The following MED13 variants were observed in gnomAD, a reference collection of about 807,000 sequenced individuals.
The protein encoded by MED13 is mediator of RNA polymerase II transcription subunit 13.
In MED13, 23 loss-of-function variants were observed where a neutral mutation model predicts 225.2. That is an observed-to-expected ratio of 0.10 (90% CI 0.07 to 0.14). The LOEUF is 0.14. Among genes scored for constraint, MED13 ranks in the 10% least tolerant of loss-of-function variants. The pLI, the probability that MED13 is intolerant of heterozygous loss-of-function variation, is 1.00. For synonymous variants in MED13, 942 were observed against 889.2 expected, an observed-to-expected ratio of 1.06 and a Z score of -1.06; for missense variants, 2,197 against 2,594.5, an observed-to-expected ratio of 0.85 and a Z score of 3.33.
At chr17:61,952,626 G>A (rs1483796729) in intron 27 of MED13, among the ~76,000 whole-genome samples, 3 of 152,150 alleles carry the variant, frequency 2.0e-5, no homozygotes, top group Non-Finnish European at 4.4e-5. Flanking sequence ...CTCAACTCTT[G>A]CTAATTTCCA....
intron 8 of MED13, among the ~76,000 whole-genome samples, chr17:62,018,949 C>T (rs1567982137): frequency 6.6e-6 from 1 of 151,620 alleles, no homozygotes; most frequent in Non-Finnish European, 1.5e-5. Context: ...GTTACAAAAT[C>T]GAAAGATCCA....
At chr17:62,047,707 A>G (rs2080910671) in intron 3 of MED13, among the ~76,000 whole-genome samples, 1 of 151,976 alleles carries the variant, frequency 6.6e-6, no homozygotes, top group Non-Finnish European at 1.5e-5. Flanking sequence ...GTATTGCAGA[A>G]CTTAAAGTAA....
Position 62,029,593 on chromosome 17 carries a change from C to A in MED13, c.1231G>T (p.Ala411Ser), listed in dbSNP as rs1191870194. The A allele has an allele frequency of 1.2e-6, 2 of 1,614,120 alleles. No homozygotes were observed. The highest frequency in any genetic ancestry group is 2.2e-5 in the South Asian group (2 of 91,074). Reference sequence around the variant, plus strand: ...GTGGCTTCAACAAAATCCCAGGATGCCACTTTAGCAGCTGTCGCTTCTTCG... The same window carrying A: ...GTGGCTTCAACAAAATCCCAGGATGACACTTTAGCAGCTGTCGCTTCTTCG... ...LCEEATAAKVASWDFVEATQR... is the reference protein window; with the variant it reads ...LCEEATAAKVSSWDFVEATQR... The change falls in exon 8 of 30, where the codon GCA becomes TCA. Residue 411 changes from alanine (A) to serine (S), a missense_variant. Ala to Ser is a moderately conservative substitution (Grantham distance 99). Around this residue, in one of 12 missense-constraint regions of MED13, gnomAD observed 884 missense variants for 918.5 expected, o/e 0.96. Transcript: ENST00000397786.
chr17:62,048,250 C>CA, intron 3 of MED13, among the ~76,000 whole-genome samples: 1 of 149,618 alleles, frequency 6.7e-6, no homozygotes, highest in Non-Finnish European at 1.5e-5. Context: ...CTTAAAAATA[C>CA]AAAAATTAGC....
In MED13 at chr17:62,010,784, C is replaced by T. The variant is rs747645576; in HGVS notation, c.1733G>A (p.Arg578Lys). Reference protein sequence around the residue: ...PLVPSKPMEDRIDSLSQSFPP... With the variant: ...PLVPSKPMEDKIDSLSQSFPP... ...GAAAGACTGGGACAAACTGTCTATC[C>T]TATCTTCCATTGGTTTAGAAGGAAC... The change falls in exon 9 of 30, where the codon AGG becomes AAG. Residue 578 changes from arginine to lysine, a missense_variant. Arg to Lys is a conservative substitution (Grantham distance 26). This residue lies in a region of MED13 where 884 missense variants were observed against 918.5 expected (regional missense o/e 0.96). Transcript: ENST00000397786. 3.7e-6 allele frequency: 6 copies of T among 1,614,170 alleles called. No individual in the cohort carries two copies. In the South Asian group the frequency reaches 6.6e-5, roughly 18 times the overall value.
chr17:61,993,233 A>C (rs1603398893), intron 10 of MED13, among the ~76,000 whole-genome samples: 5 of 110,980 alleles, frequency 4.5e-5, no homozygotes, highest in East Asian at 2.6e-4. Flanking sequence ...ACAGAGTCTC[A>C]CTCTGTCACC....
At chr17:62,049,312 AATAG>A (rs1283077849) in intron 3 of MED13, among the ~76,000 whole-genome samples, 1 of 152,200 alleles carries the variant, frequency 6.6e-6, no homozygotes, top group African/African-American at 2.4e-5. Context: ...TTATACTTCT[AATAG>A]ATAGTCTACT....
At chr17:62,027,971 A>G (rs1348389516) in intron 8 of MED13, among the ~76,000 whole-genome samples, 1 of 152,224 alleles carries the variant, frequency 6.6e-6, no homozygotes, top group Non-Finnish European at 1.5e-5. Context: ...GGAAGTGAAA[A>G]TAGTTCAACC....
chr17:62,045,813 G>T (rs936890612), intron 3 of MED13, among the ~76,000 whole-genome samples: 2 of 152,042 alleles, frequency 1.3e-5, no homozygotes, highest in Admixed American at 6.6e-5. Context: ...TACACTTGCG[G>T]GATTCTTTAC....
intron 28 of MED13, among the ~76,000 whole-genome samples, chr17:61,950,526 G>C (rs1264122343): frequency 6.6e-6 from 1 of 151,976 alleles, no homozygotes; most frequent in Non-Finnish European, 1.5e-5. Flanking sequence ...TGGGACTACA[G>C]GCGCCCGCCA....
At chr17:61,983,161 C>T in intron 15 of MED13, 47 bp from the exon 16 acceptor site, 2 of 1,407,292 alleles carry the variant, frequency 1.4e-6, no homozygotes, top group Non-Finnish European at 1.9e-6. Flanking sequence ...TATAAAGGAA[C>T]ATATTAGTAA....
At chr17:62,032,656 G>A (rs2080767856) in intron 5 of MED13, among the ~76,000 whole-genome samples, 1 of 152,050 alleles carries the variant, frequency 6.6e-6, no homozygotes, top group Non-Finnish European at 1.5e-5. Flanking sequence ...TCCATTGTCA[G>A]GCTGTGTGAC....
At chr17:62,064,961 A>G (rs1380013741) in intron 1 of MED13, among the ~76,000 whole-genome samples, 179 bp downstream of exon 1, 1 of 152,152 alleles carries the variant, frequency 6.6e-6, no homozygotes, top group Admixed American at 6.5e-5. Context: ...AGAGCCCGGG[A>G]CCGTAGGAGA....
At position 62,031,598 on chromosome 17, in the gene MED13, G is replaced by T. The variant is rs1210147907; in HGVS notation, c.855C>A (p.Val285=). The change falls in exon 6 of 30, where the codon GTC becomes GTA. Residue 285 remains valine, a synonymous_variant. Coordinates refer to ENST00000397786, the MANE Select transcript of MED13 (RefSeq NM_005121.3). The part of the protein sequence containing the change: ...RMIYPACFVL[V]PQSDIPTPSP... The stretch of plus-strand genomic sequence containing the variant: ...TAGGAGTAGGAATGTCTGACTGAGG[G>T]ACTAGAACAAAGCATGCTGGGTAGA... The T allele has an allele frequency of 1.2e-6, 2 of 1,612,608 alleles. No homozygotes were observed. Among genetic ancestry groups the T allele is most frequent in the African/African-American group, 2.7e-5 (2 of 74,806 alleles).
rs75006644 is a variant in MED13 at position 62,011,877 on chromosome 17, G to A, written c.1284-644C>T. On this transcript the variant is annotated intron_variant, in intron 8 of 29. Transcript: ENST00000397786. ...TCATAATTTGAAGCAATTCTAAAAC[G>A]AAGAACTTAAATGATACACCTAAAA... 2.1e-3 allele frequency among the ~76,000 whole-genome samples: 323 copies of A among 152,156 alleles called. 2 individuals carry two copies. The East Asian group carries it at 0.036, about 17-fold the overall frequency.
chr17:62,030,976 G>A (rs185137849), intron 6 of MED13: 1 of 152,438 alleles, frequency 6.6e-6, no homozygotes, highest in East Asian at 1.9e-4. Flanking sequence ...ACACAGCAAT[G>A]GGCTGCTCTG....
At chr17:62,041,511 T>G (rs2080852264) in intron 3 of MED13, among the ~76,000 whole-genome samples, 1 of 152,188 alleles carries the variant, frequency 6.6e-6, no homozygotes, top group Non-Finnish European at 1.5e-5. Context: ...GCCACTGAAC[T>G]GTACACTGAA....
intron 3 of MED13, among the ~76,000 whole-genome samples, chr17:62,042,560 C>CAAAAAAAA (rs377646442): frequency 1.7e-5 from 1 of 60,302 alleles, no homozygotes; most frequent in African/African-American, 5.8e-5. Context: ...GGTTTCATCT[C>CAAAAAAAA]AAAAAAAAAA....
At position 61,945,977 on chromosome 17, in the gene MED13, G is replaced by A. The variant is rs1391142930; in HGVS notation, c.*491C>T. On this transcript the variant is annotated 3_prime_UTR_variant, in exon 30 of 30. Coordinates refer to ENST00000397786, the MANE Select transcript of MED13 (RefSeq NM_005121.3). ...ACCTTCTAGGAAAATTTTTATAAAA[G>A]AGGTTAAGAAATATAAGACAATTTA... The A allele has an allele frequency of 6.6e-6, 1 of 152,480 alleles. No homozygotes were observed. Among genetic ancestry groups the A allele is most frequent in the East Asian group, 1.9e-4 (1 of 5,198 alleles). The allele number at this position is 152,480 out of a possible 1,614,324, so 9.4% of individuals were successfully genotyped here. A position where few individuals can be genotyped will look rare whatever the true frequency, so the allele number is the denominator to read the frequency against.
Sources: allele counts gnomAD v4.1 joint callset (sites outside exome capture counted in the v4.1 genomes callset), GRCh38; gene constraint gnomAD v4.1.1; regional missense constraint gnomAD v4.1.1; transcripts MANE v1.5; gene names NCBI Gene and HGNC (gene_info 2026-07-23, HGNC 2026-07-21).